Variants in CDH13 observed in about 807,000 individuals in gnomAD.
CDH13 encodes cadherin 13.
CDH13 carries 24 observed loss-of-function variants against 63.8 expected under a neutral mutation model. The ratio of observed to expected loss-of-function variants is 0.38; its 90% CI spans 0.27 to 0.53. The LOEUF (loss-of-function observed/expected upper bound fraction) is 0.53, where lower values mean the gene tolerates loss of function less well. Ranked by LOEUF, CDH13 falls within the 20% of genes least tolerant of loss-of-function variation. The pLI, the probability that CDH13 is intolerant of heterozygous loss-of-function variation, is 0.85. For missense variants in CDH13, 1,049 were observed against 903.1 expected (o/e 1.16, Z -2.07); for synonymous variants, 503 against 355.3 (o/e 1.42, Z -4.67).
chr16:82,691,261 A>T (rs1465665593), intron 1 of CDH13, among the ~76,000 whole-genome samples: 1 of 152,194 alleles, frequency 6.6e-6, no homozygotes, highest in Non-Finnish European at 1.5e-5. Flanking sequence ...CTCAGAGGCC[A>T]CCTGCAGTCA....
At chr16:83,762,635 T>C (rs1175491974) in intron 11 of CDH13, among the ~76,000 whole-genome samples, 1 of 152,188 alleles carries the variant, frequency 6.6e-6, no homozygotes, top group Non-Finnish European at 1.5e-5. Flanking sequence ...GGAATCCCAC[T>C]GGGGACGGCC....
intron 5 of CDH13, among the ~76,000 whole-genome samples, chr16:83,319,975 T>C (rs2090186151): frequency 6.6e-6 from 1 of 152,162 alleles, no homozygotes; most frequent in Admixed American, 6.5e-5. Flanking sequence ...TTCTAAGTAA[T>C]TCTAGGATTA....
At chr16:83,636,812 C>A (rs1053633462) in intron 8 of CDH13, among the ~76,000 whole-genome samples, 1 of 152,180 alleles carries the variant, frequency 6.6e-6, no homozygotes, top group Admixed American at 6.5e-5. Flanking sequence ...TGCTTCAACT[C>A]TTAGGTCTTT....
intron 8 of CDH13, among the ~76,000 whole-genome samples, chr16:83,656,878 T>C (rs1912919087): frequency 1.3e-5 from 2 of 152,178 alleles, no homozygotes; most frequent in South Asian, 2.1e-4. Flanking sequence ...TCCAAGTCAA[T>C]CTTTAGGGAT....
rs1245091447 is a variant in CDH13 at position 83,602,133 on chromosome 16, AAAAAAAAAAAC to A, written c.961-320_961-310del. Reference sequence around the variant, plus strand: ...AAAAAAAAAAAAAAAAAAAAAAAAAAAAAAAAAAAACCCAAAGGACAATGTATACCCAAGCC... The same window carrying A: ...AAAAAAAAAAAAAAAAAAAAAAAAAACCAAAGGACAATGTATACCCAAGCC... On this transcript the variant is annotated intron_variant, in intron 7 of 13. Transcript: ENST00000567109. Among the ~76,000 whole-genome samples the A allele has an allele frequency of 1.1e-3, 109 of 96,282 alleles. 1 individual carries two copies. The highest frequency in any genetic ancestry group is 6.3e-3 in the African/African-American group (100 of 15,974). The allele number at this position is 96,282 out of a possible 152,430, so 63.2% of individuals were successfully genotyped here. A position where few individuals can be genotyped will look rare whatever the true frequency, so the allele number is the denominator to read the frequency against.
intron 4 of CDH13, among the ~76,000 whole-genome samples, chr16:83,136,486 C>CA (rs542700844): frequency 0.068 from 4,113 of 60,774 alleles, 237 homozygotes; most frequent in African/African-American, 0.18. Flanking sequence ...ACTCTGTCTC[C>CA]AAAAAAAAAA....
At chr16:83,190,204 A>G (rs991124387) in intron 4 of CDH13, among the ~76,000 whole-genome samples, 3 of 152,212 alleles carry the variant, frequency 2.0e-5, no homozygotes, top group Admixed American at 1.3e-4. Flanking sequence ...CTGAGGCCAA[A>G]TAAATGGGTT....
intron 1 of CDH13, among the ~76,000 whole-genome samples, chr16:82,716,614 T>A (rs906426393): frequency 6.7e-6 from 1 of 148,642 alleles, no homozygotes; most frequent in African/African-American, 2.5e-5. Flanking sequence ...ATTATGTAAA[T>A]AAGCAGACAC....
At chr16:82,856,693 CAAAAAAAAAAAA>C (rs56106728) in intron 1 of CDH13, among the ~76,000 whole-genome samples, 36 of 49,556 alleles carry the variant, frequency 7.3e-4, no homozygotes, top group African/African-American at 2.1e-3. Flanking sequence ...GACTCGGTCT[CAAAAAAAAAAAA>C]AAAAAAAAAA....
intron 5 of CDH13, among the ~76,000 whole-genome samples, chr16:83,226,754 G>A (rs763126218): frequency 3.9e-5 from 6 of 152,126 alleles, no homozygotes; most frequent in South Asian, 2.1e-4. Flanking sequence ...GTTAAATAAC[G>A]GGGCAACTGC....
At chr16:83,504,693 C>A (rs1157396709) in intron 7 of CDH13, among the ~76,000 whole-genome samples, 1 of 152,200 alleles carries the variant, frequency 6.6e-6, no homozygotes, top group Admixed American at 6.5e-5. Context: ...CACTAGACAT[C>A]CAGACAGAGT....
chr16:83,238,336 G>A (rs1904281433), intron 5 of CDH13, among the ~76,000 whole-genome samples: 1 of 152,172 alleles, frequency 6.6e-6, no homozygotes, highest in African/African-American at 2.4e-5. Context: ...AGGCAAGAGA[G>A]CGTGTGCAGG....
At chr16:83,059,420 G>T (rs2031288512) in intron 3 of CDH13, among the ~76,000 whole-genome samples, 1 of 152,150 alleles carries the variant, frequency 6.6e-6, no homozygotes, top group Non-Finnish European at 1.5e-5. Context: ...TGAACTCTGG[G>T]AGAGCCAGGT....
intron 1 of CDH13, among the ~76,000 whole-genome samples, chr16:82,849,006 A>T (rs958914896): frequency 6.6e-6 from 1 of 152,174 alleles, no homozygotes; most frequent in Non-Finnish European, 1.5e-5. Context: ...CTTATTGCTG[A>T]CATGGAGAAA....
At chr16:82,901,185 T>G (rs1049433915) in intron 2 of CDH13, among the ~76,000 whole-genome samples, 1 of 152,136 alleles carries the variant, frequency 6.6e-6, no homozygotes, top group Admixed American at 6.5e-5. Context: ...TTTTTTGACC[T>G]TCTGCTGACA....
At chr16:83,417,973 A>T (rs9674250) in intron 6 of CDH13, among the ~76,000 whole-genome samples, 30,014 of 151,876 alleles carry the variant, frequency 0.2, 3,461 homozygotes, top group East Asian at 0.51. Context: ...AAACTCCTAT[A>T]CATCCTTTAA....
At chr16:83,433,379 C>T (rs571615026) in intron 6 of CDH13, among the ~76,000 whole-genome samples, 4 of 152,222 alleles carry the variant, frequency 2.6e-5, no homozygotes, top group Non-Finnish European at 5.9e-5. Context: ...ATGAGAAACA[C>T]GAAAAAGCTT....
At chr16:83,447,283 T>C (rs1445152604) in intron 6 of CDH13, among the ~76,000 whole-genome samples, 1 of 151,218 alleles carries the variant, frequency 6.6e-6, no homozygotes, top group Non-Finnish European at 1.5e-5. Context: ...GGCGTGGTGG[T>C]GGGTGCTTCT....
chr16:83,698,258 A>T (rs749368694), intron 10 of CDH13, among the ~76,000 whole-genome samples: 1 of 152,276 alleles, frequency 6.6e-6, no homozygotes, highest in Admixed American at 6.5e-5. Context: ...GATTTCCATC[A>T]GGGACTGACT....
Sources: allele counts gnomAD v4.1 joint callset (sites outside exome capture counted in the v4.1 genomes callset), GRCh38; gene constraint gnomAD v4.1.1; transcripts MANE v1.5; gene names NCBI Gene and HGNC (gene_info 2026-07-23, HGNC 2026-07-21).